Variants in ADCY9 observed in about 807,000 individuals in gnomAD.
ADCY9 encodes adenylate cyclase type 9.
In ADCY9, 50 loss-of-function variants were observed where a neutral mutation model predicts 101.5. That is an observed-to-expected ratio of 0.49 (90% CI 0.39 to 0.62). The LOEUF is 0.62. Ranked by LOEUF, ADCY9 falls within the 20% of genes least tolerant of loss-of-function variation. ADCY9 has a pLI of 0.00. For synonymous variants in ADCY9, 905 were observed against 769.3 expected (o/e 1.18, Z -2.92); for missense variants, 1,662 against 1,800.4 (o/e 0.92, Z 1.39).
chr16:3,990,876 T>C (rs1156402365), intron 5 of ADCY9, among the ~76,000 whole-genome samples: 3 of 152,240 alleles, frequency 2.0e-5, no homozygotes, highest in Non-Finnish European at 4.4e-5. Context: ...CTCAGCTCAT[T>C]GCAGCCTCTG....
chr16:4,031,763 GT>G (rs1312214511), intron 2 of ADCY9, among the ~76,000 whole-genome samples: 14 of 151,948 alleles, frequency 9.2e-5, no homozygotes, highest in Non-Finnish European at 1.5e-4. Flanking sequence ...TGTAGTTCCA[GT>G]TCCTCAGGGG....
intron 2 of ADCY9, among the ~76,000 whole-genome samples, chr16:4,027,511 G>A (rs1357950224): frequency 6.6e-6 from 1 of 152,238 alleles, no homozygotes; most frequent in Non-Finnish European, 1.5e-5. Flanking sequence ...CAGAGGGCAA[G>A]GAGGAGCAAG....
chr16:4,096,378 G>A (rs2057004225), intron 2 of ADCY9, among the ~76,000 whole-genome samples: 1 of 152,180 alleles, frequency 6.6e-6, no homozygotes, highest in African/African-American at 2.4e-5. Context: ...AGCAGAACCA[G>A]AGAGATTAAA....
chr16:3,979,603 G>A lies in ADCY9; in HGVS notation c.2520-328C>T, dbSNP rs529792903. On this transcript the variant is annotated intron_variant, in intron 7 of 10. Transcript: ENST00000294016. ...AGGAGAGTCTCCTGGGGGCCACCAC[G>A]TTGCCGTCACCGGCTCCCATCAGCT... is the stretch of plus-strand genomic sequence containing the variant. 6.2e-4 allele frequency among the ~76,000 whole-genome samples: 94 copies of A among 152,366 alleles called. 1 individual carries two copies. The South Asian group carries it at 0.017, about 28-fold the overall frequency.
intron 2 of ADCY9, among the ~76,000 whole-genome samples, chr16:4,108,731 G>A (rs915283362): frequency 7.7e-6 from 1 of 130,552 alleles, no homozygotes; most frequent in East Asian, 2.4e-4. Context: ...TTGAGACAGG[G>A]TCTCATTCTT....
intron 2 of ADCY9, among the ~76,000 whole-genome samples, chr16:4,076,882 G>C (rs1484956157): frequency 6.6e-6 from 1 of 152,100 alleles, no homozygotes; most frequent in Non-Finnish European, 1.5e-5. Flanking sequence ...TCCGAGACCA[G>C]CTTGGCCAAC....
chr16:4,083,400 A>T (rs1403754297), intron 2 of ADCY9, among the ~76,000 whole-genome samples: 1 of 152,124 alleles, frequency 6.6e-6, no homozygotes, highest in Non-Finnish European at 1.5e-5. Context: ...GCCCGCACAC[A>T]CTCTGGTGGG....
chr16:4,053,227 A>C (rs1395507187), intron 2 of ADCY9, among the ~76,000 whole-genome samples: 1 of 152,206 alleles, frequency 6.6e-6, no homozygotes, highest in Admixed American at 6.5e-5. Context: ...AGTGAGCCGC[A>C]AGAGACTGTA....
rs576483156 is a variant in ADCY9, at chr16:3,983,013, C to T, written c.2519+219G>A. The T allele has an allele frequency of 9.5e-4, 557 of 585,266 alleles. 3 individuals are homozygous for T. In the Middle Eastern group the frequency reaches 0.011, roughly 12 times the overall value. The allele number at this position is 585,266 out of a possible 1,614,324, so 36.3% of individuals were successfully genotyped here. ...GCAGCGGTTGGGGCTGTGGAGGCAC[C>T]GCCCCCTCCAGCGAGGTGGTCCCCC... On this transcript the variant is annotated intron_variant, in intron 7 of 10. Coordinates refer to ENST00000294016, the MANE Select transcript of ADCY9 (RefSeq NM_001116.4).
Position 3,993,521 on chromosome 16 carries a change from AAC to A in ADCY9, c.1885-13_1885-12del, listed in dbSNP as rs759430580. On this transcript the variant is annotated splice_polypyrimidine_tract_variant and intron_variant, in intron 3 of 10. Coordinates refer to ENST00000294016, the MANE Select transcript of ADCY9 (RefSeq NM_001116.4). ...GCACGAAGGGCAGGTCTAGAAGAAAAACACAGACTGTGGGGACACACCCAGAA... is the reference window on the plus strand; with the variant it reads ...GCACGAAGGGCAGGTCTAGAAGAAAAACAGACTGTGGGGACACACCCAGAA... 17 of 1,613,624 alleles carry A rather than the reference AAC, an allele frequency of 1.1e-5. No individual in the cohort carries two copies. Among genetic ancestry groups the A allele is most frequent in the Non-Finnish European group, 1.4e-5 (17 of 1,179,820 alleles).
At position 3,966,443 on chromosome 16, in the gene ADCY9, G is replaced by C; in HGVS notation, c.3394C>G (p.Gln1132Glu). The C allele has an allele frequency of 6.2e-7, 1 of 1,614,158 alleles. No homozygotes were observed. Among genetic ancestry groups the C allele is most frequent in the Non-Finnish European group, 8.5e-7 (1 of 1,180,042 alleles). The change falls in exon 11 of 11, where the codon CAG becomes GAG. Residue 1132 changes from glutamine to glutamate, a missense_variant. This residue lies in a region of ADCY9 where 220 missense variants were observed against 312.9 expected (regional missense o/e 0.70). Coordinates refer to ENST00000294016, the MANE Select transcript of ADCY9 (RefSeq NM_001116.4). ...TCGAACAGGATCTGCAGGTGCTCCT[G>C]CGGGTGGCTGCCGTCCTGGGCCTGC... The part of the protein sequence containing the change: ...TAQAQDGSHP[Q>E]EHLQILFEFA...
chr16:4,065,316 C>T (rs1017174419), intron 2 of ADCY9, among the ~76,000 whole-genome samples: 3 of 152,212 alleles, frequency 2.0e-5, no homozygotes, highest in Non-Finnish European at 4.4e-5. Context: ...AAACTGCACC[C>T]TTCTAACGCT....
intron 2 of ADCY9, among the ~76,000 whole-genome samples, chr16:4,021,695 T>C (rs1333669037): frequency 6.6e-6 from 1 of 152,194 alleles, no homozygotes; most frequent in Non-Finnish European, 1.5e-5. Flanking sequence ...ACAATATTCG[T>C]TCCCCCATCA....
At chr16:4,032,431 T>C (rs2056562211) in intron 2 of ADCY9, among the ~76,000 whole-genome samples, 1 of 152,134 alleles carries the variant, frequency 6.6e-6, no homozygotes. Context: ...GCAACCTGCC[T>C]GGTAGATATG....
Position 3,977,645 on chromosome 16 carries a change from G to A in ADCY9, c.2680-15C>T. On this transcript the variant is annotated splice_polypyrimidine_tract_variant and intron_variant, in intron 8 of 10. Transcript: ENST00000294016. Reference sequence around the variant, plus strand: ...AACACTGGGAACTGCAAGAGGCGAAGGGTTAGGACAGCCGCCCAGGGCCAC... The same window carrying A: ...AACACTGGGAACTGCAAGAGGCGAAAGGTTAGGACAGCCGCCCAGGGCCAC... The A allele has an allele frequency of 6.2e-7, 1 of 1,603,720 alleles. No individual in the cohort carries two copies. Among genetic ancestry groups the A allele is most frequent in the Middle Eastern group, 1.7e-4 (1 of 5,890 alleles).
In ADCY9 at chr16:4,046,655, A is replaced by G. The variant is rs572784659; in HGVS notation, c.1694-39097T>C. Among the ~76,000 whole-genome samples the G allele has an allele frequency of 7.9e-5, 12 of 152,282 alleles. No individual in the cohort carries two copies. The East Asian group carries it at 2.3e-3, about 29-fold the overall frequency. On this transcript the variant is annotated intron_variant, in intron 2 of 10. Transcript: ENST00000294016. Reference sequence around the variant, plus strand: ...GTAATTGTGCCTATCAGAGTTCTGAAGAAAATAAGACTCAATAATCTAAGC... The same window carrying G: ...GTAATTGTGCCTATCAGAGTTCTGAGGAAAATAAGACTCAATAATCTAAGC...
chr16:4,115,295 T>C lies in ADCY9; in HGVS notation c.148A>G (p.Ile50Val). 6.2e-7 allele frequency: 1 copy of C among 1,613,788 alleles called. No individual in the cohort carries two copies. ...CCAGAGCTGCTGCAGCTAGAGGAGA[T>C]GCTGTATTTGCAGTGCTTGGGGTGG... ...NSHPKHCKYS[I>V]SSSCSSSGDS... Residue 50 changes from isoleucine (I) to valine (V), a missense_variant, in exon 2 of 11, where the codon ATC becomes GTC. Around this residue, in one of 5 missense-constraint regions of ADCY9, gnomAD observed 422 missense variants for 392.0 expected, o/e 1.08. Transcript: ENST00000294016. The surrounding 1 kb of genome is among the most constrained non-coding windows in gnomAD (Gnocchi z 6.2).
rs773401955 is a variant in ADCY9 at position 3,988,982 on chromosome 16, A to G, written c.2310+12T>C. ...CATTCTTTAGTAAAAGCGCAAGGAG[A>G]AATGAACGCACCTCTTCCTGATAGC... On this transcript the variant is annotated intron_variant, in intron 6 of 10. Coordinates refer to ENST00000294016, the MANE Select transcript of ADCY9 (RefSeq NM_001116.4). 49 of 1,600,378 alleles carry G rather than the reference A, an allele frequency of 3.1e-5. No individual in the cohort carries two copies. Among genetic ancestry groups the G allele is most frequent in the Middle Eastern group, 1.7e-4 (1 of 6,058 alleles).
chr16:4,099,999 T>A (rs920781922), intron 2 of ADCY9, among the ~76,000 whole-genome samples: 1 of 152,090 alleles, frequency 6.6e-6, no homozygotes, highest in East Asian at 1.9e-4. Context: ...TAGCTCTGTG[T>A]CCCCACCCAA....
Sources: gnomAD v4.1 joint callset for allele counts (sites outside exome capture counted in the v4.1 genomes callset) on GRCh38, gnomAD v4.1.1 for gene constraint, gnomAD v4.1.1 regional missense constraint, Gnocchi (gnomAD v3.1) non-coding constraint, MANE v1.5 for transcripts, NCBI Gene and HGNC (gene_info 2026-07-23, HGNC 2026-07-21) for gene names.